Variants in BIRC2 observed in about 807,000 individuals in gnomAD.
The protein encoded by BIRC2 is baculoviral IAP repeat-containing protein 2.
BIRC2 carries 18 observed loss-of-function variants against 60.9 expected under a neutral mutation model. The observed-to-expected ratio is 0.30, with a 90% CI of 0.20 to 0.44. The LOEUF is 0.44. Among genes scored for constraint, BIRC2 ranks in the 20% least tolerant of loss-of-function variants. The pLI, the probability that BIRC2 is intolerant of heterozygous loss-of-function variation, is 1.00. For missense variants in BIRC2, 701 were observed against 728.5 expected, an observed-to-expected ratio of 0.96 and a Z score of 0.43; for synonymous variants, 282 against 247.7, an observed-to-expected ratio of 1.14 and a Z score of -1.30.
At chr11:102,376,671 C>G (rs1478663945) in intron 6 of BIRC2, among the ~76,000 whole-genome samples, 1 of 151,662 alleles carries the variant, frequency 6.6e-6, no homozygotes, top group African/African-American at 2.4e-5. Flanking sequence ...AAAACATTGG[C>G]TTTTTAAAAA....
chr11:102,374,429 G>T (rs1951677097), intron 6 of BIRC2, among the ~76,000 whole-genome samples: 1 of 148,242 alleles, frequency 6.7e-6, no homozygotes, highest in African/African-American at 2.5e-5. Context: ...ACCCTGCCGT[G>T]TGAGGTGTCA....
At chr11:102,357,621 T>C (rs1448464434) in intron 3 of BIRC2, among the ~76,000 whole-genome samples, 2 of 152,180 alleles carry the variant, frequency 1.3e-5, no homozygotes, top group Non-Finnish European at 2.9e-5. Flanking sequence ...TTTGCGTTTC[T>C]GTGTTATCAA....
intron 3 of BIRC2, among the ~76,000 whole-genome samples, chr11:102,358,386 A>G (rs557381440): frequency 8.5e-5 from 13 of 152,326 alleles, no homozygotes; most frequent in African/African-American, 2.9e-4. Context: ...GGTAAACATA[A>G]GGCAGGTATT....
In BIRC2 at chr11:102,350,561, C is replaced by CTA; in HGVS notation, c.709_710dup (p.Met237IlefsTer19). The CTA allele has an allele frequency of 6.2e-7, 1 of 1,614,162 alleles. No individual in the cohort carries two copies. The highest frequency in any genetic ancestry group is 8.5e-7 in the Non-Finnish European group (1 of 1,180,008). On this transcript the variant is annotated frameshift_variant, in exon 2 of 9. Transcript: ENST00000227758. LOFTEE classifies it high-confidence loss of function. ...AGTAACTGGGAACCAAAGGATGATG[C>CTA]TATGTCAGAACACCGGAGGCATTTT...
intron 5 of BIRC2, among the ~76,000 whole-genome samples, chr11:102,366,372 G>GTT (rs113111923): frequency 9.7e-4 from 139 of 142,790 alleles, no homozygotes; most frequent in Admixed American, 4.2e-3. Context: ...CTCCACCACT[G>GTT]TTTTTTTTTT....
intron 3 of BIRC2, among the ~76,000 whole-genome samples, chr11:102,360,031 A>G (rs570894213): frequency 1.1e-4 from 16 of 149,354 alleles, no homozygotes; most frequent in African/African-American, 4.0e-4. Flanking sequence ...CAGTGGCATG[A>G]TCTCAGCTCA....
intron 3 of BIRC2, among the ~76,000 whole-genome samples, chr11:102,360,481 G>C (rs928524157): frequency 6.0e-5 from 9 of 150,492 alleles, no homozygotes; most frequent in Non-Finnish European, 4.4e-5. Flanking sequence ...TCCCGAATTT[G>C]TTTCTTTTTA....
Position 102,377,879 on chromosome 11 carries a change from T to A in BIRC2, c.1644T>A (p.Ile548=). 6.2e-7 allele frequency: 1 copy of A among 1,611,326 alleles called. No individual in the cohort carries two copies. The highest frequency in any genetic ancestry group is 8.5e-7 in the Non-Finnish European group (1 of 1,179,118). The stretch of plus-strand genomic sequence containing the variant: ...CAGTGGATAAGAATATGAAGTATAT[T>A]CCAACAGAAGATGTTTCAGGTAAAA... The part of the protein sequence containing the change: ...NLFVDKNMKY[I]PTEDVSGLSL... The change falls in exon 8 of 9, where the codon ATT becomes ATA. Residue 548 remains isoleucine (I), a synonymous_variant. Transcript: ENST00000227758.
chr11:102,368,192 C>T, intron 5 of BIRC2, 114 bp from the exon 6 acceptor site: 2 of 1,227,696 alleles, frequency 1.6e-6, no homozygotes, highest in Admixed American at 4.5e-5. Flanking sequence ...GCATATAGCT[C>T]ATCTCCTTTA....
chr11:102,357,476 T>TA (rs1033531317), intron 3 of BIRC2, among the ~76,000 whole-genome samples: 1 of 152,190 alleles, frequency 6.6e-6, no homozygotes, highest in African/African-American at 2.4e-5. Flanking sequence ...CCTTACTAGT[T>TA]ATAAGTCTTT....
Position 102,349,911 on chromosome 11 carries a change from G to C in BIRC2, c.57G>C (p.Lys19Asn), listed in dbSNP as rs775190108. ...LFPGPSYQNI[K>N]SIMEDSTILS... is the part of the protein sequence containing the mutation. ...CAGGTCCCTCGTATCAAAACATTAA[G>C]AGTATAATGGAAGATAGCACGATCT... The change falls in exon 2 of 9, where the codon AAG (lysine) becomes AAC (asparagine). Residue 19 changes from lysine (K) to asparagine (N), a missense_variant. Transcript: ENST00000227758. 1 of 1,613,848 alleles carries C rather than the reference G, an allele frequency of 6.2e-7. No individual in the cohort carries two copies. Among genetic ancestry groups the C allele is most frequent in the East Asian group, 2.2e-5 (1 of 44,894 alleles).
chr11:102,350,145 C>G lies in BIRC2; in HGVS notation c.291C>G (p.Asp97Glu), dbSNP rs755017926. The stretch of plus-strand genomic sequence containing the variant: ...TGCTGGATAACTGGAAACTAGGAGA[C>G]AGTCCTATTCAAAAGCATAAACAGC... ...GLMLDNWKLGDSPIQKHKQLY... is the reference protein window; with the variant it reads ...GLMLDNWKLGESPIQKHKQLY... Residue 97 changes from aspartate (D) to glutamate (E), a missense_variant, in exon 2 of 9, where the codon GAC becomes GAG. Asp to Glu is a conservative substitution (Grantham distance 45, BLOSUM62 2). Around this residue, in one of 4 missense-constraint regions of BIRC2, gnomAD observed 375 missense variants for 365.9 expected, o/e 1.02. Transcript: ENST00000227758. 3 of 1,614,214 alleles carry G rather than the reference C, an allele frequency of 1.9e-6. No individual in the cohort carries two copies. The highest frequency in any genetic ancestry group is 2.5e-6 in the Non-Finnish European group (3 of 1,180,040).
chr11:102,377,084 T>A (rs1951723909), intron 6 of BIRC2, among the ~76,000 whole-genome samples: 1 of 152,126 alleles, frequency 6.6e-6, no homozygotes, highest in South Asian at 2.1e-4. Context: ...TTTCTCCCTA[T>A]GTAAAAATGA....
In BIRC2 at chr11:102,349,681, T is replaced by G; in HGVS notation, c.-174T>G. On this transcript the variant is annotated 5_prime_UTR_variant, in exon 2 of 9. Coordinates refer to ENST00000227758, the MANE Select transcript of BIRC2 (RefSeq NM_001166.5). ...TGTGTTCTAAGTAGTATCTTGGTAATTCAGAGAGATACTCATCCTACCTGA... is the reference window on the plus strand; with the variant it reads ...TGTGTTCTAAGTAGTATCTTGGTAAGTCAGAGAGATACTCATCCTACCTGA... 1.5e-6 allele frequency: 1 copy of G among 661,876 alleles called. No homozygotes were observed. The highest frequency in any genetic ancestry group is 1.8e-5 in the African/African-American group (1 of 55,216). The allele number at this position is 661,876 out of a possible 1,614,324, so 41.0% of individuals were successfully genotyped here. A position where few individuals can be genotyped will look rare whatever the true frequency, so the allele number is the denominator to read the frequency against.
chr11:102,372,732 C>T (rs1161442718), intron 6 of BIRC2, among the ~76,000 whole-genome samples: 5 of 132,128 alleles, frequency 3.8e-5, no homozygotes, highest in African/African-American at 1.5e-4. Flanking sequence ...TGTTGACTTT[C>T]TGTCTCGTTG....
chr11:102,353,603 C>T lies in BIRC2; in HGVS notation c.995+2660C>T, dbSNP rs1025446279. On this transcript the variant is annotated intron_variant, in intron 3 of 8. Transcript: ENST00000227758. ...AAAGTGCTGGGCTTACAGGCATGAG[C>T]CACTGAGCCCAGCCCACATTTCAAC... is the stretch of plus-strand genomic sequence containing the variant. Among the ~76,000 whole-genome samples, 5 of 152,216 alleles carry T rather than the reference C, an allele frequency of 3.3e-5. No individual in the cohort carries two copies. In the East Asian group the frequency reaches 9.6e-4, roughly 29 times the overall value.
intron 3 of BIRC2, among the ~76,000 whole-genome samples, chr11:102,361,191 T>C (rs1840447): frequency 0.67 from 101,674 of 151,984 alleles, 35,760 homozygotes; most frequent in African/African-American, 0.9. Flanking sequence ...GTGCAAGTGT[T>C]TGCAGAAAGA....
At chr11:102,353,009 CT>C (rs1027455007) in intron 3 of BIRC2, among the ~76,000 whole-genome samples, 12 of 151,946 alleles carry the variant, frequency 7.9e-5, no homozygotes, top group Admixed American at 7.9e-4. Flanking sequence ...TAAATTTTGA[CT>C]TTTTTACACT....
At chr11:102,361,853 T>TC (rs1951488630) in intron 3 of BIRC2, among the ~76,000 whole-genome samples, 5 of 150,784 alleles carry the variant, frequency 3.3e-5, no homozygotes, top group African/African-American at 1.2e-4. Flanking sequence ...TTTTTTTTTT[T>TC]TCCCTTTATT....
Sources: allele counts gnomAD v4.1 joint callset (sites outside exome capture counted in the v4.1 genomes callset), GRCh38; gene constraint gnomAD v4.1.1; regional missense constraint gnomAD v4.1.1; transcripts MANE v1.5; gene names NCBI Gene and HGNC (gene_info 2026-07-23, HGNC 2026-07-21).